The following PKNOX1 variants were observed in gnomAD, a reference collection of about 807,000 sequenced individuals.
PKNOX1 encodes PBX/knotted 1 homeobox 1.
Under a neutral mutation model 51.9 loss-of-function variants are expected in PKNOX1, and 15 were observed. The ratio of observed to expected loss-of-function variants is 0.29; its 90% confidence interval spans 0.19 to 0.45. The LOEUF is 0.45. Ranked by LOEUF, PKNOX1 falls within the 20% of genes least tolerant of loss-of-function variation. The pLI, the probability that PKNOX1 is intolerant of heterozygous loss-of-function variation, is 1.00. For missense variants in PKNOX1, 462 were observed against 547.5 expected (o/e 0.84, Z 1.56); for synonymous variants, 219 against 211.1 (o/e 1.04, Z -0.32).
At chr21:42,979,460 T>C (rs765516264) in intron 1 of PKNOX1, among the ~76,000 whole-genome samples, 20 of 152,156 alleles carry the variant, frequency 1.3e-4, no homozygotes, top group Non-Finnish European at 2.5e-4. Flanking sequence ...GAGGTGCTTA[T>C]AGCCAGGCGC....
intron 1 of PKNOX1, among the ~76,000 whole-genome samples, chr21:42,980,862 A>G (rs1263605627): frequency 7.9e-5 from 12 of 152,230 alleles, no homozygotes; most frequent in Non-Finnish European, 2.9e-5. Context: ...GGAGTGCTAC[A>G]TTTCAGCTAG....
intron 8 of PKNOX1, among the ~76,000 whole-genome samples, chr21:43,022,733 TATA>T (rs898183749): frequency 4.6e-5 from 7 of 152,126 alleles, no homozygotes; most frequent in African/African-American, 1.4e-4. Context: ...TGTCGTTCAA[TATA>T]ATAATGGAAA....
At chr21:43,013,853 T>C (rs754773377) in intron 5 of PKNOX1, among the ~76,000 whole-genome samples, 7 of 152,150 alleles carry the variant, frequency 4.6e-5, no homozygotes, top group Non-Finnish European at 8.8e-5. Flanking sequence ...GGAGGGTTCA[T>C]CCATGCGGAA....
rs1980365935 is a variant in PKNOX1, at chr21:43,033,426, A to G, written c.*3325A>G. ...ACTTAGAGACAGAAAGAACTCAGCA[A>G]TCTTTCGTTCTAGTTATATTCGGTC... is the stretch of plus-strand genomic sequence containing the variant. On this transcript the variant is annotated 3_prime_UTR_variant, in exon 11 of 11. Coordinates refer to ENST00000291547, the MANE Select transcript of PKNOX1 (RefSeq NM_004571.5). The G allele has an allele frequency of 1.3e-5, 2 of 150,538 alleles. No individual in the cohort carries two copies. The highest frequency in any genetic ancestry group is 4.9e-5 in the African/African-American group (2 of 41,122). 9.3% of individuals were successfully genotyped at this position (150,538 alleles called of 1,614,324 possible). A position where few individuals can be genotyped will look rare whatever the true frequency, so the allele number is the denominator to read the frequency against.
intron 5 of PKNOX1, 57 bp from the exon 6 acceptor site, chr21:43,016,851 A>T: frequency 8.6e-7 from 1 of 1,166,698 alleles, no homozygotes; most frequent in Non-Finnish European, 1.2e-6. Flanking sequence ...TTAAAGTTTT[A>T]AACATGGGTT....
At chr21:43,018,894 C>T (rs541152704) in intron 7 of PKNOX1, among the ~76,000 whole-genome samples, 1 of 151,992 alleles carries the variant, frequency 6.6e-6, no homozygotes, top group Non-Finnish European at 1.5e-5. Context: ...TCAAGACTAG[C>T]CTGGCCAGTA....
intron 6 of PKNOX1, 116 bp downstream of exon 6, chr21:43,017,123 A>G: frequency 1.6e-6 from 1 of 641,900 alleles, no homozygotes; most frequent in Non-Finnish European, 2.8e-6. Flanking sequence ...TAATATAGCA[A>G]TGTTAGAAGC....
chr21:42,984,458 G>A (rs1370656572), intron 1 of PKNOX1, among the ~76,000 whole-genome samples: 1 of 150,784 alleles, frequency 6.6e-6, no homozygotes, highest in Non-Finnish European at 1.5e-5. Flanking sequence ...GCATGATCTT[G>A]GCTCACCACA....
chr21:42,982,696 A>G (rs1241571045), intron 1 of PKNOX1, among the ~76,000 whole-genome samples: 1 of 143,042 alleles, frequency 7.0e-6, no homozygotes, highest in Admixed American at 7.5e-5. Flanking sequence ...GCGCCATTGC[A>G]CTCCAGCCTG....
Position 43,010,090 on chromosome 21 carries a change from A to G in PKNOX1, c.217A>G (p.Lys73Glu). The G allele has an allele frequency of 6.4e-7, 1 of 1,573,410 alleles. No homozygotes were observed. The highest frequency in any genetic ancestry group is 8.6e-7 in the Non-Finnish European group (1 of 1,163,854). ...LFPLLALLFEKCEQSTQGSEG... is the reference protein window; with the variant it reads ...LFPLLALLFEECEQSTQGSEG... ...TCCATTATTAGCTTTGTTGTTTGAA[A>G]AATGTGAACAATCTACACAGGGCTC... Residue 73 changes from lysine to glutamate, a missense_variant, in exon 4 of 11, where the codon AAA (lysine) becomes GAA (glutamate). By Grantham distance (56) the Lys-to-Glu change is moderately conservative (BLOSUM62 1). Transcript: ENST00000291547.
intron 1 of PKNOX1, among the ~76,000 whole-genome samples, chr21:42,975,117 C>T (rs2058986470): frequency 7.0e-6 from 1 of 143,492 alleles, no homozygotes; most frequent in African/African-American, 2.5e-5. Context: ...CGCGGCGGGG[C>T]GGGGCCGGGG....
At chr21:42,995,660 G>C (rs1480224475) in intron 1 of PKNOX1, among the ~76,000 whole-genome samples, 1 of 151,882 alleles carries the variant, frequency 6.6e-6, no homozygotes, top group Non-Finnish European at 1.5e-5. Context: ...CCTGGGAATA[G>C]AGCAAGAACC....
Position 42,978,325 on chromosome 21 carries a change from A to G in PKNOX1, c.-57+3661A>G, listed in dbSNP as rs1054164436. On this transcript the variant is annotated intron_variant, in intron 1 of 10. Transcript: ENST00000291547. ...TGGCCATTTTCTTATTCATGTGTTCACTGGAGTAGCACTTTTTAATTGCCT... is the reference window on the plus strand; with the variant it reads ...TGGCCATTTTCTTATTCATGTGTTCGCTGGAGTAGCACTTTTTAATTGCCT... 8.6e-5 allele frequency among the ~76,000 whole-genome samples: 13 copies of G among 151,976 alleles called. 1 individual carries two copies. The highest frequency in any genetic ancestry group is 2.7e-4 in the African/African-American group (11 of 41,360).
intron 9 of PKNOX1, among the ~76,000 whole-genome samples, chr21:43,028,031 C>T (rs1232015097): frequency 6.6e-6 from 1 of 152,256 alleles, no homozygotes; most frequent in Non-Finnish European, 1.5e-5. Flanking sequence ...TCGCCAGCGT[C>T]TGTCGGGGAT....
intron 1 of PKNOX1, among the ~76,000 whole-genome samples, chr21:42,978,134 T>A (rs1385041605): frequency 1.3e-5 from 2 of 151,974 alleles, no homozygotes; most frequent in Non-Finnish European, 2.9e-5. Context: ...ACCTCCCGAG[T>A]AGCTGGGATA....
In PKNOX1 at chr21:42,998,975, G is replaced by A. The variant is rs932504991; in HGVS notation, c.-56-5351G>A. Among the ~76,000 whole-genome samples the A allele has an allele frequency of 3.5e-4, 54 of 152,360 alleles. 1 individual carries two copies. The highest frequency in any genetic ancestry group is 1.1e-3 in the African/African-American group (46 of 41,596). On this transcript the variant is annotated intron_variant, in intron 1 of 10. Transcript: ENST00000291547. ...GGCAGTGCCCCAGTAGGGACTCTGT[G>A]TGAGGCCTCCAGTGCCACATTTCCC...
intron 8 of PKNOX1, among the ~76,000 whole-genome samples, chr21:43,022,353 C>T (rs1450950671): frequency 6.6e-6 from 1 of 152,238 alleles, no homozygotes; most frequent in Non-Finnish European, 1.5e-5. Context: ...GGCCCCTGAG[C>T]CCGTAGCCAT....
At chr21:43,028,620 T>G in intron 9 of PKNOX1, 82 bp from the exon 10 acceptor site, 1 of 1,282,182 alleles carries the variant, frequency 7.8e-7, no homozygotes, top group Non-Finnish European at 1.1e-6. Flanking sequence ...TAGAGCAGCG[T>G]GTTTGTTAGA....
chr21:43,022,811 G>T (rs1225599162), intron 8 of PKNOX1, among the ~76,000 whole-genome samples: 2 of 152,132 alleles, frequency 1.3e-5, no homozygotes, highest in African/African-American at 4.8e-5. Context: ...GTTAACATGA[G>T]GAATGAGGGC....
Sources: allele counts gnomAD v4.1 joint callset (sites outside exome capture counted in the v4.1 genomes callset), GRCh38; gene constraint gnomAD v4.1.1; transcripts MANE v1.5; gene names NCBI Gene and HGNC (gene_info 2026-07-23, HGNC 2026-07-21).